PLCG1: variants seen among roughly 807,000 people sequenced by gnomAD.
PLCG1 encodes 1-phosphatidylinositol 4,5-bisphosphate phosphodiesterase gamma-1.
A neutral mutation model predicts 177.8 loss-of-function variants in PLCG1; 71 were observed. That is an observed-to-expected ratio of 0.40 (90% CI 0.33 to 0.49). The LOEUF (loss-of-function observed/expected upper bound fraction) is 0.49, where lower values mean the gene tolerates loss of function less well. Among genes scored for constraint, PLCG1 ranks in the 20% least tolerant of loss-of-function variants. The pLI, the probability that PLCG1 is intolerant of heterozygous loss-of-function variation, is 0.72. For missense variants in PLCG1, 1,281 were observed against 1,709.0 expected, an observed-to-expected ratio of 0.75 and a Z score of 4.42; for synonymous variants, 658 against 647.9, an observed-to-expected ratio of 1.02 and a Z score of -0.24.
At chr20:41,168,006 C>A in intron 20 of PLCG1, 77 bp downstream of exon 20, 1 of 979,284 alleles carries the variant, frequency 1.0e-6, no homozygotes, top group Non-Finnish European at 1.6e-6. Context: ...GTGTTCTGGG[C>A]CATCTGTGGT....
At position 41,165,402 on chromosome 20, in the gene PLCG1, G is replaced by A. The variant is rs2035648371; in HGVS notation, c.1509+35G>A. 1.9e-6 allele frequency: 3 copies of A among 1,613,986 alleles called. No individual in the cohort carries two copies. Among genetic ancestry groups the A allele is most frequent in the Middle Eastern group, 1.6e-4 (1 of 6,084 alleles). On this transcript the variant is annotated intron_variant, in intron 14 of 31. Transcript: ENST00000685551. The surrounding 1 kb of genome is among the most constrained non-coding windows in gnomAD (Gnocchi z 6.6). ...GGGCCAGGCTGGGGGTGGTAGGCCA[G>A]TGGGTGTGAGGACCCTGGCTCACAA...
At chr20:41,139,453 C>T (rs1160593839) in intron 1 of PLCG1, among the ~76,000 whole-genome samples, 2 of 152,146 alleles carry the variant, frequency 1.3e-5, no homozygotes, top group Non-Finnish European at 2.9e-5. Flanking sequence ...CATTTTAAAC[C>T]ACGCATATTA....
Position 41,147,772 on chromosome 20 carries a change from C to T in PLCG1, c.217+9914C>T, listed in dbSNP as rs1359232891. On this transcript the variant is annotated intron_variant, in intron 1 of 31. Transcript: ENST00000685551. The surrounding 1 kb of genome is among the most constrained non-coding windows in gnomAD (Gnocchi z 4.0). Reference sequence around the variant, plus strand: ...CTGAGGCAGGATAATTGCTTGAACCCGGGAGGCAGAGGTTGCAGTGAGCCA... The same window carrying T: ...CTGAGGCAGGATAATTGCTTGAACCTGGGAGGCAGAGGTTGCAGTGAGCCA... Among the ~76,000 whole-genome samples, 3 of 151,972 alleles carry T rather than the reference C, an allele frequency of 2.0e-5. No individual in the cohort carries two copies. The highest frequency in any genetic ancestry group is 1.9e-4 in the East Asian group (1 of 5,194).
intron 1 of PLCG1, among the ~76,000 whole-genome samples, chr20:41,145,643 C>T (rs2034973893): frequency 6.6e-6 from 1 of 152,106 alleles, no homozygotes; most frequent in Non-Finnish European, 1.5e-5. Flanking sequence ...CTGAAGTCTC[C>T]AGAGAAAGTG....
At position 41,176,556 on chromosome 20, in the gene PLCG1, A is replaced by ATCTC. The variant is rs1346173911; in HGVS notation, c.*2049_*2052dup. 6.6e-6 allele frequency: 1 copy of ATCTC among 152,162 alleles called. No individual in the cohort carries two copies. Among genetic ancestry groups the ATCTC allele is most frequent in the East Asian group, 1.9e-4 (1 of 5,192 alleles). The allele number at this position is 152,162 out of a possible 1,614,324, so 9.4% of individuals were successfully genotyped here. On this transcript the variant is annotated 3_prime_UTR_variant, in exon 32 of 32. Transcript: ENST00000685551. ...ACCCTTTTAGTTTTCATCAATACGT[A>ATCTC]TCTCTATTTGCTGAACAAGTGTCTT...
At chr20:41,170,526 C>T (rs1039686714) in intron 24 of PLCG1, 68 of 449,780 alleles carry the variant, frequency 1.5e-4, no homozygotes, top group African/African-American at 1.2e-3. Context: ...ATTGGATACA[C>T]AAGACCAGAG....
rs1381186813 is a variant in PLCG1, at chr20:41,174,479, G to T, written c.3846G>T (p.Arg1282Ser). The T allele has an allele frequency of 3.2e-6, 5 of 1,587,254 alleles. No individual in the cohort carries two copies. Among genetic ancestry groups the T allele is most frequent in the Non-Finnish European group, 4.3e-6 (5 of 1,164,830 alleles). ...CCCTTCTGTCCAGGGCCCCAAGAAGGACTCGGGTCAATGGAGACAACCGCC... is the reference window on the plus strand; with the variant it reads ...CCCTTCTGTCCAGGGCCCCAAGAAGTACTCGGGTCAATGGAGACAACCGCC... ...FDSRERRAPRRTRVNGDNRL is the reference protein window; with the variant it reads ...FDSRERRAPRSTRVNGDNRL Residue 1282 changes from arginine (R) to serine (S), a missense_variant, in exon 32 of 32, where the codon AGG becomes AGT. Coordinates refer to ENST00000685551, the MANE Select transcript of PLCG1 (RefSeq NM_002660.3). This position sits in a 1 kb window ranked among gnomAD's most constrained non-coding sequence, Gnocchi z 5.8.
chr20:41,159,416 T>C lies in PLCG1; in HGVS notation c.218-190T>C, dbSNP rs2035422354. 6.6e-6 allele frequency among the ~76,000 whole-genome samples: 1 copy of C among 152,144 alleles called. No individual in the cohort carries two copies. On this transcript the variant is annotated intron_variant, in intron 1 of 31. Transcript: ENST00000685551. The surrounding 1 kb of genome is among the most constrained non-coding windows in gnomAD (Gnocchi z 6.0). ...TAGCCCTCTCTGACATCTCAGCCCT[T>C]ACTTAGCAAAGGCCTATCCCTAGAC...
At chr20:41,139,906 C>T (rs1480330237) in intron 1 of PLCG1, among the ~76,000 whole-genome samples, 1 of 152,230 alleles carries the variant, frequency 6.6e-6, no homozygotes, top group Admixed American at 6.5e-5. Flanking sequence ...CTCACCCACC[C>T]ACCATGTAGA....
In PLCG1 at chr20:41,176,525, GTGTTGACCC is replaced by G. The variant is rs1464475736; in HGVS notation, c.*2018_*2026del. ...TAGGACGTCCTTGGCGTGTTTGTTA[GTGTTGACCC>G]TTTTAGTTTTCATCAATACGTATCT... On this transcript the variant is annotated 3_prime_UTR_variant, in exon 32 of 32. Coordinates refer to ENST00000685551, the MANE Select transcript of PLCG1 (RefSeq NM_002660.3). The G allele has an allele frequency of 6.6e-6, 1 of 152,192 alleles. No individual in the cohort carries two copies. Among genetic ancestry groups the G allele is most frequent in the Non-Finnish European group, 1.5e-5 (1 of 68,042 alleles). 9.4% of individuals were successfully genotyped at this position (152,192 alleles called of 1,614,324 possible).
rs1466041984 is a variant in PLCG1 at position 41,163,518 on chromosome 20, G to C, written c.891+39G>C. The C allele has an allele frequency of 6.9e-7, 1 of 1,451,496 alleles. No individual in the cohort carries two copies. Among genetic ancestry groups the C allele is most frequent in the African/African-American group, 1.4e-5 (1 of 71,940 alleles). The allele number at this position is 1,451,496 out of a possible 1,614,324, so 89.9% of individuals were successfully genotyped here. ...TTCACCCATTTTTTGTCAAGAGAAT[G>C]AGTAGGGGTGACCAGGACCCCACCC... On this transcript the variant is annotated intron_variant, in intron 9 of 31. Transcript: ENST00000685551. This position sits in a 1 kb window ranked among gnomAD's most constrained non-coding sequence, Gnocchi z 5.2.
intron 22 of PLCG1, 118 bp downstream of exon 22, chr20:41,169,293 G>T (rs2035814505): frequency 5.3e-6 from 5 of 948,740 alleles, no homozygotes; most frequent in Non-Finnish European, 8.6e-6. Context: ...ACATGGGCTG[G>T]TCGCACAGCC....
chr20:41,174,091 A>C lies in PLCG1; in HGVS notation c.3646-33A>C. ...CAGCCTCTAGAAGTGCAGAGGAGTCATTGACCCTCTTGTGCACCTGGCTTC... is the reference window on the plus strand; with the variant it reads ...CAGCCTCTAGAAGTGCAGAGGAGTCCTTGACCCTCTTGTGCACCTGGCTTC... On this transcript the variant is annotated intron_variant, in intron 30 of 31. Coordinates refer to ENST00000685551, the MANE Select transcript of PLCG1 (RefSeq NM_002660.3). The surrounding 1 kb of genome is among the most constrained non-coding windows in gnomAD (Gnocchi z 5.8). 6.2e-7 allele frequency: 1 copy of C among 1,612,142 alleles called. No individual in the cohort carries two copies. Among genetic ancestry groups the C allele is most frequent in the Non-Finnish European group, 8.5e-7 (1 of 1,178,396 alleles).
At chr20:41,168,725 G>T in intron 20 of PLCG1, 42 bp from the exon 21 acceptor site, 1 of 1,277,388 alleles carries the variant, frequency 7.8e-7, no homozygotes, top group East Asian at 2.3e-5. Context: ...GCAGTGGCAG[G>T]GAGAGCCTTT....
Position 41,166,068 on chromosome 20 carries a change from T to A in PLCG1, c.1800-126T>A. 1 of 729,208 alleles carries A rather than the reference T, an allele frequency of 1.4e-6. No homozygotes were observed. The highest frequency in any genetic ancestry group is 2.1e-6 in the Non-Finnish European group (1 of 466,980). 45.2% of individuals were successfully genotyped at this position (729,208 alleles called of 1,614,324 possible). A position where few individuals can be genotyped will look rare whatever the true frequency, so the allele number is the denominator to read the frequency against. ...TTCATGTGACTGCCCACACCTGAGCTCCTCAGGAGATTGGCCTCCCTCCTT... is the reference window on the plus strand; with the variant it reads ...TTCATGTGACTGCCCACACCTGAGCACCTCAGGAGATTGGCCTCCCTCCTT... On this transcript the variant is annotated intron_variant, in intron 16 of 31. Transcript: ENST00000685551. The surrounding 1 kb of genome is among the most constrained non-coding windows in gnomAD (Gnocchi z 8.6).
intron 1 of PLCG1, among the ~76,000 whole-genome samples, chr20:41,140,389 C>T (rs956805250): frequency 1.7e-4 from 26 of 152,296 alleles, no homozygotes; most frequent in African/African-American, 6.0e-4. Flanking sequence ...GACTGCCAGC[C>T]GGGTTTTCTG....
Position 41,166,258 on chromosome 20 carries a change from T to C in PLCG1, c.1864T>C (p.Phe622Leu). 1.2e-6 allele frequency: 2 copies of C among 1,614,168 alleles called. No individual in the cohort carries two copies. Among genetic ancestry groups the C allele is most frequent in the Non-Finnish European group, 8.5e-7 (1 of 1,180,034 alleles). The change falls in exon 17 of 32, where the codon TTC (phenylalanine) becomes CTC (leucine). Residue 622 changes from phenylalanine (F) to leucine (L), a missense_variant. Around this residue, in one of 4 missense-constraint regions of PLCG1, gnomAD observed 723 missense variants for 1,030.0 expected, o/e 0.70. Transcript: ENST00000685551. The surrounding 1 kb of genome is among the most constrained non-coding windows in gnomAD (Gnocchi z 8.6). ...SRQDAGTPKF[F>L]LTDNLVFDSL... Reference sequence around the variant, plus strand: ...GCAAGATGCTGGGACCCCCAAGTTCTTCTTGACAGACAACCTCGTCTTTGA... The same window carrying C: ...GCAAGATGCTGGGACCCCCAAGTTCCTCTTGACAGACAACCTCGTCTTTGA...
rs2034945832 is a variant in PLCG1 at position 41,144,750 on chromosome 20, G to T, written c.217+6892G>T. Among the ~76,000 whole-genome samples, 1 of 152,110 alleles carries T rather than the reference G, an allele frequency of 6.6e-6. No individual in the cohort carries two copies. Among genetic ancestry groups the T allele is most frequent in the Admixed American group, 6.5e-5 (1 of 15,276 alleles). ...TACATTTGTTGTGGGCCTTGCTACT[G>T]TGTGTTGGGCACACTGAGCTGGATG... On this transcript the variant is annotated intron_variant, in intron 1 of 31. Transcript: ENST00000685551. This position sits in a 1 kb window ranked among gnomAD's most constrained non-coding sequence, Gnocchi z 4.1.
Position 41,173,401 on chromosome 20 carries a change from CTTCT to C in PLCG1, c.3280-16_3280-13del, listed in dbSNP as rs1245342358. On this transcript the variant is annotated splice_polypyrimidine_tract_variant and intron_variant, in intron 27 of 31. Coordinates refer to ENST00000685551, the MANE Select transcript of PLCG1 (RefSeq NM_002660.3). This position sits in a 1 kb window ranked among gnomAD's most constrained non-coding sequence, Gnocchi z 6.2. The stretch of plus-strand genomic sequence containing the variant: ...GGAGCAGGAAGGACAATCCCAGGCC[CTTCT>C]TTGTCTGCCTACAGGTGCTGGGGGC... 1 of 1,563,818 alleles carries C rather than the reference CTTCT, an allele frequency of 6.4e-7. No individual in the cohort carries two copies. Among genetic ancestry groups the C allele is most frequent in the East Asian group, 2.3e-5 (1 of 44,266 alleles).
Sources: allele counts gnomAD v4.1 joint callset (sites outside exome capture counted in the v4.1 genomes callset), GRCh38; gene constraint gnomAD v4.1.1; regional missense constraint gnomAD v4.1.1; non-coding constraint Gnocchi (gnomAD v3.1); transcripts MANE v1.5; gene names NCBI Gene and HGNC (gene_info 2026-07-23, HGNC 2026-07-21).